Variants in CABLES2 observed in about 807,000 individuals in gnomAD.
CABLES2 encodes Cdk5 and Abl enzyme substrate 2.
In CABLES2, 35 loss-of-function variants were observed where a neutral mutation model predicts 44.8. The observed-to-expected ratio is 0.78, with a 90% CI of 0.60 to 1.04. The LOEUF (loss-of-function observed/expected upper bound fraction) is 1.04. CABLES2 is among the 50% of genes least tolerant of loss of function. The probability of loss-of-function intolerance (pLI) is 0.00; values close to 1 mark genes in which losing one functional copy is unlikely to be tolerated. For missense variants in CABLES2, 566 were observed against 615.7 expected, an observed-to-expected ratio of 0.92 and a Z score of 0.85; for synonymous variants, 282 against 281.1, an observed-to-expected ratio of 1.00 and a Z score of -0.03.
chr20:62,398,124 GTTATGACGGTGGTGA>G (rs1569017689), intron 1 of CABLES2, among the ~76,000 whole-genome samples: 19 of 102,414 alleles, frequency 1.9e-4, no homozygotes, highest in South Asian at 3.7e-4. Context: ...GGTGGTGGTG[GTTATGACGGTGGTGA>G]TGGTGGTGGT....
chr20:62,400,674 G>A (rs1204599463), intron 1 of CABLES2, among the ~76,000 whole-genome samples: 1 of 152,178 alleles, frequency 6.6e-6, no homozygotes, highest in Non-Finnish European at 1.5e-5. Flanking sequence ...GAGGCCCGTG[G>A]GGGTCCCAGC....
Position 62,396,209 on chromosome 20 carries a change from G to C in CABLES2, c.527+106C>G. On this transcript the variant is annotated intron_variant, in intron 3 of 9. Transcript: ENST00000279101. The surrounding 1 kb of genome is among the most constrained non-coding windows in gnomAD (Gnocchi z 5.7). ...TCTAGAGGTGTGGAGTGTGGGGTGG[G>C]CGGGAGCTTTGGGAGTGGAGGGAAG... The C allele has an allele frequency of 2.2e-6, 2 of 924,174 alleles. No individual in the cohort carries two copies. Among genetic ancestry groups the C allele is most frequent in the Admixed American group, 3.5e-5 (2 of 57,222 alleles). 57.2% of individuals were successfully genotyped at this position (924,174 alleles called of 1,614,324 possible). A position where few individuals can be genotyped will look rare whatever the true frequency, so the allele number is the denominator to read the frequency against.
At chr20:62,397,952 A>ATGGCG (rs1569017204) in intron 1 of CABLES2, among the ~76,000 whole-genome samples, 13 of 12,956 alleles carry the variant, frequency 1.0e-3, no homozygotes, top group African/African-American at 2.7e-3. Context: ...TGGTGACGGT[A>ATGGCG]GTGGTGGTGA....
rs1601470316 is a variant in CABLES2, at chr20:62,390,396, G to A, written c.*575C>T. ...CCACTTGGGATGCAGTGAGGTGGGC[G>A]GAGAAAGCTCTGGAGGAGCTCGGCT... On this transcript the variant is annotated 3_prime_UTR_variant, in exon 10 of 10. Transcript: ENST00000279101. The A allele has an allele frequency of 1.3e-5, 2 of 154,160 alleles. No individual in the cohort carries two copies. 9.5% of individuals were successfully genotyped at this position (154,160 alleles called of 1,614,324 possible).
intron 1 of CABLES2, among the ~76,000 whole-genome samples, chr20:62,398,070 A>ATGG (rs1569017462): frequency 1.4e-4 from 4 of 28,966 alleles, no homozygotes; most frequent in Admixed American, 3.5e-4. Context: ...GGTGGTGGTG[A>ATGG]CGGTGGTGGT....
At position 62,396,188 on chromosome 20, in the gene CABLES2, G is replaced by C. The variant is rs71323584; in HGVS notation, c.527+127C>G. On this transcript the variant is annotated intron_variant, in intron 3 of 9. Coordinates refer to ENST00000279101, the MANE Select transcript of CABLES2 (RefSeq NM_031215.3). This position sits in a 1 kb window ranked among gnomAD's most constrained non-coding sequence, Gnocchi z 5.7. ...TGGTGGGGAGGAGGGCCCACCTCTA[G>C]AGGTGTGGAGTGTGGGGTGGGCGGG... 1 of 781,550 alleles carries C rather than the reference G, an allele frequency of 1.3e-6. No individual in the cohort carries two copies. Among genetic ancestry groups the C allele is most frequent in the Admixed American group, 1.9e-5 (1 of 52,380 alleles). 48.4% of individuals were successfully genotyped at this position (781,550 alleles called of 1,614,324 possible).
In CABLES2 at chr20:62,388,781, T is replaced by G. The variant is rs1041932237; in HGVS notation, c.*2190A>C. The G allele has an allele frequency of 2.2e-6, 1 of 444,662 alleles. No homozygotes were observed. The allele number at this position is 444,662 out of a possible 1,614,324, so 27.5% of individuals were successfully genotyped here. ...ACCGGTGCGGAAGCAACGCCAGGCC[T>G]GGTTCTGTATAGTCACAGCCGAGCT... is the stretch of plus-strand genomic sequence containing the variant. On this transcript the variant is annotated 3_prime_UTR_variant, in exon 10 of 10. Transcript: ENST00000279101.
chr20:62,397,938 ATGGTGGTGACGGTAGTGGTGG>A (rs1988055963), intron 1 of CABLES2, among the ~76,000 whole-genome samples: 1 of 63,622 alleles, frequency 1.6e-5, no homozygotes, highest in Non-Finnish European at 2.8e-5. Context: ...GGTGGTGGTG[ATGGTGGTGACGGTAGTGGTGG>A]TGATGGTGGT....
chr20:62,398,891 C>G (rs965961522), intron 1 of CABLES2, among the ~76,000 whole-genome samples: 3 of 152,266 alleles, frequency 2.0e-5, no homozygotes, highest in Non-Finnish European at 2.9e-5. Context: ...GGTCACACAG[C>G]CAGTGTAGTC....
rs1987868198 is a variant in CABLES2, at chr20:62,389,380, A to C, written c.*1591T>G. Reference sequence around the variant, plus strand: ...TTGTCCTCATCCTCCAGTCTGTCCCACACACCTGCCATCTCTGGGTTTTGG... The same window carrying C: ...TTGTCCTCATCCTCCAGTCTGTCCCCCACACCTGCCATCTCTGGGTTTTGG... On this transcript the variant is annotated 3_prime_UTR_variant, in exon 10 of 10. Transcript: ENST00000279101. 1 of 152,442 alleles carries C rather than the reference A, an allele frequency of 6.6e-6. No homozygotes were observed. The highest frequency in any genetic ancestry group is 6.5e-5 in the Admixed American group (1 of 15,308). The allele number at this position is 152,442 out of a possible 1,614,324, so 9.4% of individuals were successfully genotyped here. A position where few individuals can be genotyped will look rare whatever the true frequency, so the allele number is the denominator to read the frequency against.
chr20:62,392,639 A>C, intron 7 of CABLES2, 144 bp from the exon 8 acceptor site: 1 of 690,270 alleles, frequency 1.4e-6, no homozygotes, highest in South Asian at 1.7e-5. Flanking sequence ...TCTGAGAACA[A>C]AATGGCTCAA....
chr20:62,397,578 G>A (rs960442546), intron 1 of CABLES2, among the ~76,000 whole-genome samples: 4 of 152,214 alleles, frequency 2.6e-5, no homozygotes, highest in African/African-American at 4.8e-5. Context: ...GCGGAGACAT[G>A]ACGTGGTTCA....
At position 62,406,903 on chromosome 20, in the gene CABLES2, GC is replaced by G; in HGVS notation, c.362+11del. 1.7e-6 allele frequency: 2 copies of G among 1,211,362 alleles called. No homozygotes were observed. Among genetic ancestry groups the G allele is most frequent in the Non-Finnish European group, 2.1e-6 (2 of 972,390 alleles). The allele number at this position is 1,211,362 out of a possible 1,614,324, so 75.0% of individuals were successfully genotyped here. A position where few individuals can be genotyped will look rare whatever the true frequency, so the allele number is the denominator to read the frequency against. Reference sequence around the variant, plus strand: ...CCGCGTCCTGGGCTGACCTGGCCGGGCCCCCACTCACCTCTGGCGCTGCCCA... The same window carrying G: ...CCGCGTCCTGGGCTGACCTGGCCGGGCCCCACTCACCTCTGGCGCTGCCCA... On this transcript the variant is annotated intron_variant, in intron 1 of 9. Transcript: ENST00000279101.
At chr20:62,398,077 T>TGGTGACGGTGGTGGTGGTGGTGAC (rs1433351710) in intron 1 of CABLES2, among the ~76,000 whole-genome samples, 2 of 33,056 alleles carry the variant, frequency 6.1e-5, no homozygotes, top group Non-Finnish European at 1.2e-4. Flanking sequence ...GTGACGGTGG[T>TGGTGACGGTGGTGGTGGTGGTGAC]GGTGGTGGTG....
intron 4 of CABLES2, 82 bp downstream of exon 4, chr20:62,394,855 A>G: frequency 3.8e-6 from 5 of 1,310,260 alleles, no homozygotes; most frequent in Non-Finnish European, 5.3e-6. Flanking sequence ...GTGCCCGCTG[A>G]TGCCTCCTGG....
Position 62,388,918 on chromosome 20 carries a change from A to G in CABLES2, c.*2053T>C, listed in dbSNP as rs1987853064. The G allele has an allele frequency of 5.5e-6, 1 of 181,194 alleles. No individual in the cohort carries two copies. Among genetic ancestry groups the G allele is most frequent in the Middle Eastern group, 2.5e-3 (1 of 404 alleles). 11.2% of individuals were successfully genotyped at this position (181,194 alleles called of 1,614,324 possible). On this transcript the variant is annotated 3_prime_UTR_variant, in exon 10 of 10. Transcript: ENST00000279101. Reference sequence around the variant, plus strand: ...TAATCCTCGAATACCACACAGTGGCAGCTTTTGGCATCATAAAAATGGGAC... The same window carrying G: ...TAATCCTCGAATACCACACAGTGGCGGCTTTTGGCATCATAAAAATGGGAC...
chr20:62,398,286 TGATGGTGGC>T (rs1233752687), intron 1 of CABLES2, among the ~76,000 whole-genome samples: 4 of 109,648 alleles, frequency 3.6e-5, no homozygotes, highest in Non-Finnish European at 7.7e-5. Context: ...GTGGTGGTGG[TGATGGTGGC>T]GATGGTGATG....
chr20:62,397,448 G>A (rs1187606092), intron 1 of CABLES2, among the ~76,000 whole-genome samples: 1 of 152,184 alleles, frequency 6.6e-6, no homozygotes, highest in African/African-American at 2.4e-5. Flanking sequence ...AGCGAAACGT[G>A]CAGGCAAATA....
At position 62,398,076 on chromosome 20, in the gene CABLES2, G is replaced by GTGGTGGTGGTGA. The variant is rs1569017510; in HGVS notation, c.363-1496_363-1485dup. 5.1e-4 allele frequency among the ~76,000 whole-genome samples: 20 copies of GTGGTGGTGGTGA among 39,026 alleles called. 1 individual carries two copies. Among genetic ancestry groups the GTGGTGGTGGTGA allele is most frequent in the South Asian group, 2.2e-3 (2 of 896 alleles). 25.6% of individuals were successfully genotyped at this position (39,026 alleles called of 152,430 possible). A position where few individuals can be genotyped will look rare whatever the true frequency, so the allele number is the denominator to read the frequency against. The stretch of plus-strand genomic sequence containing the variant: ...GATGGCGATGGTGGTGGTGACGGTG[G>GTGGTGGTGGTGA]TGGTGGTGGTGACGGTGGTGGTGGT... On this transcript the variant is annotated intron_variant, in intron 1 of 9. Coordinates refer to ENST00000279101, the MANE Select transcript of CABLES2 (RefSeq NM_031215.3).
Sources: allele counts gnomAD v4.1 joint callset (sites outside exome capture counted in the v4.1 genomes callset), GRCh38; gene constraint gnomAD v4.1.1; non-coding constraint Gnocchi (gnomAD v3.1); transcripts MANE v1.5; gene names NCBI Gene and HGNC (gene_info 2026-07-23, HGNC 2026-07-21).